KLHL29: variants seen among roughly 807,000 people sequenced by gnomAD.
The protein encoded by KLHL29 is kelch-like protein 29.
KLHL29 carries 21 observed loss-of-function variants against 80.4 expected under a neutral mutation model. The ratio of observed to expected loss-of-function variants is 0.26; its 90% CI spans 0.19 to 0.38. The LOEUF (loss-of-function observed/expected upper bound fraction) is 0.38, where lower values mean the gene tolerates loss of function less well. Among genes scored for constraint, KLHL29 ranks in the 10% least tolerant of loss-of-function variants. The pLI, the probability that KLHL29 is intolerant of heterozygous loss-of-function variation, is 1.00. For missense variants in KLHL29, 867 were observed against 1,223.9 expected (o/e 0.71, Z 4.35); for synonymous variants, 511 against 526.8 (o/e 0.97, Z 0.41).
chr2:23,494,412 C>A lies in KLHL29; in HGVS notation c.-46+18745C>A, dbSNP rs72778307. On this transcript the variant is annotated intron_variant, in intron 2 of 13. Transcript: ENST00000486442. ...AACATTTCCACCAGCAGCTCCTCCA[C>A]GGAGATGCTTTCCTGTGACCTTAAG... 8.4e-3 allele frequency among the ~76,000 whole-genome samples: 1,273 copies of A among 152,318 alleles called. 10 individuals are homozygous for A. The highest frequency in any genetic ancestry group is 0.013 in the Non-Finnish European group (902 of 68,010).
chr2:23,512,284 A>G lies in KLHL29; in HGVS notation c.-46+36617A>G, dbSNP rs555482891. Among the ~76,000 whole-genome samples, 56 of 152,232 alleles carry G rather than the reference A, an allele frequency of 3.7e-4. 1 individual carries two copies. In the South Asian group the frequency reaches 0.01, roughly 28 times the overall value. On this transcript the variant is annotated intron_variant, in intron 2 of 13. Coordinates refer to ENST00000486442, the MANE Select transcript of KLHL29 (RefSeq NM_052920.2). Reference sequence around the variant, plus strand: ...CACATGGAGAAACTCTGTCTCTACTAAAAATACAAAATTAGCTGGGCATGG... The same window carrying G: ...CACATGGAGAAACTCTGTCTCTACTGAAAATACAAAATTAGCTGGGCATGG...
chr2:23,703,984 C>A, intron 13 of KLHL29, 121 bp downstream of exon 13: 1 of 1,152,418 alleles, frequency 8.7e-7, no homozygotes, highest in Non-Finnish European at 1.2e-6. Context: ...AGCAGTGGCC[C>A]TCCCCCTCCA....
chr2:23,703,115 G>A (rs1672497473), intron 11 of KLHL29, 71 bp from the exon 12 acceptor site: 3 of 1,168,634 alleles, frequency 2.6e-6, no homozygotes, highest in Non-Finnish European at 3.4e-6. Flanking sequence ...GCAGTTTGCT[G>A]CCCTTGCTTG....
intron 1 of KLHL29, among the ~76,000 whole-genome samples, chr2:23,407,677 C>G (rs764186107): frequency 6.6e-6 from 1 of 151,960 alleles, no homozygotes; most frequent in Non-Finnish European, 1.5e-5. Context: ...AAGCCCTTCC[C>G]CATCCTGGCT....
chr2:23,529,469 A>T (rs1572380975), intron 2 of KLHL29, among the ~76,000 whole-genome samples: 1 of 152,212 alleles, frequency 6.6e-6, no homozygotes, highest in African/African-American at 2.4e-5. Context: ...TGCATGCTGC[A>T]GTATGGGGTT....
At chr2:23,644,418 C>A (rs1669864049) in intron 5 of KLHL29, 2 of 152,374 alleles carry the variant, frequency 1.3e-5, no homozygotes, top group South Asian at 4.1e-4. Flanking sequence ...CACATAGCCC[C>A]TCTGGGCTAA....
chr2:23,691,778 G>A lies in KLHL29; in HGVS notation c.1184G>A (p.Gly395Asp). 1 of 1,551,724 alleles carries A rather than the reference G, an allele frequency of 6.4e-7. No individual in the cohort carries two copies. Among genetic ancestry groups the A allele is most frequent in the Non-Finnish European group, 8.7e-7 (1 of 1,147,008 alleles). Residue 395 changes from glycine to aspartate, a missense_variant, in exon 7 of 14, where the codon GGC becomes GAC. Gly to Asp is a moderately conservative substitution (Grantham distance 94, BLOSUM62 -1). Coordinates refer to ENST00000486442, the MANE Select transcript of KLHL29 (RefSeq NM_052920.2). The part of the protein sequence containing the change: ...LELLLEFVYT[G>D]SLVIDSANAK... ...TTGCTGCTGGAGTTTGTCTACACGGGCTCCCTGGTCATCGACTCGGCCAAC... is the reference window on the plus strand; with the variant it reads ...TTGCTGCTGGAGTTTGTCTACACGGACTCCCTGGTCATCGACTCGGCCAAC...
intron 3 of KLHL29, among the ~76,000 whole-genome samples, chr2:23,564,907 C>T (rs1452007467): frequency 2.0e-5 from 3 of 152,232 alleles, no homozygotes; most frequent in East Asian, 3.8e-4. Flanking sequence ...GCAGTGGCTA[C>T]AGCCAGACTT....
At chr2:23,433,803 G>A (rs1042308549) in intron 1 of KLHL29, among the ~76,000 whole-genome samples, 10 of 152,172 alleles carry the variant, frequency 6.6e-5, no homozygotes, top group African/African-American at 2.2e-4. Context: ...CCTGTAGTCC[G>A]AGCTATTCCG....
chr2:23,422,071 G>A (rs1007295832), intron 1 of KLHL29, among the ~76,000 whole-genome samples: 6 of 151,362 alleles, frequency 4.0e-5, no homozygotes, highest in Non-Finnish European at 7.4e-5. Context: ...GTGTGTGTCA[G>A]TGTGTCTCCC....
At chr2:23,520,123 G>A (rs754153538) in intron 2 of KLHL29, among the ~76,000 whole-genome samples, 3 of 152,124 alleles carry the variant, frequency 2.0e-5, no homozygotes, top group Admixed American at 6.5e-5. Flanking sequence ...AGAGGAGGAC[G>A]GGTCTGAAGA....
intron 2 of KLHL29, among the ~76,000 whole-genome samples, chr2:23,555,986 G>T (rs1046993049): frequency 5.3e-5 from 8 of 152,224 alleles, no homozygotes. Context: ...GGCTCTGAAG[G>T]GGGGACTGGA....
intron 2 of KLHL29, among the ~76,000 whole-genome samples, chr2:23,515,354 G>A (rs1191629275): frequency 6.6e-6 from 1 of 152,170 alleles, no homozygotes; most frequent in Non-Finnish European, 1.5e-5. Context: ...CGGTTCCTGA[G>A]CACAACATAC....
At chr2:23,542,722 CAG>C (rs1373043716) in intron 2 of KLHL29, among the ~76,000 whole-genome samples, 3 of 152,100 alleles carry the variant, frequency 2.0e-5, no homozygotes, top group Non-Finnish European at 4.4e-5. Context: ...CCTGAACCCT[CAG>C]AGAGCCTCAC....
At chr2:23,396,199 G>A (rs1435210671) in intron 1 of KLHL29, among the ~76,000 whole-genome samples, 3 of 152,192 alleles carry the variant, frequency 2.0e-5, no homozygotes, top group Non-Finnish European at 2.9e-5. Flanking sequence ...TGTCCTGCCT[G>A]GAACTCAACT....
At chr2:23,564,842 C>G (rs1312353598) in intron 3 of KLHL29, among the ~76,000 whole-genome samples, 2 of 152,230 alleles carry the variant, frequency 1.3e-5, no homozygotes, top group African/African-American at 4.8e-5. Flanking sequence ...GACAGTGTGA[C>G]CAGATGACCC....
intron 3 of KLHL29, among the ~76,000 whole-genome samples, chr2:23,629,045 A>G (rs1669400866): frequency 1.3e-5 from 2 of 152,200 alleles, no homozygotes; most frequent in Admixed American, 1.3e-4. Context: ...CTGCCTTGTC[A>G]CCAATGCCGC....
chr2:23,561,958 G>T (rs907025889), intron 2 of KLHL29, among the ~76,000 whole-genome samples, 194 bp from the exon 3 acceptor site: 8 of 152,136 alleles, frequency 5.3e-5, no homozygotes, highest in Non-Finnish European at 1.2e-4. Context: ...ACGTGATCCT[G>T]GGCAAATTGT....
intron 2 of KLHL29, among the ~76,000 whole-genome samples, chr2:23,480,358 A>G (rs1298109494): frequency 2.0e-5 from 3 of 152,138 alleles, no homozygotes; most frequent in Non-Finnish European, 4.4e-5. Context: ...ATGGTGACAC[A>G]CGCCTATAGT....
Sources: gnomAD v4.1 joint callset for allele counts (sites outside exome capture counted in the v4.1 genomes callset) on GRCh38, gnomAD v4.1.1 for gene constraint, MANE v1.5 for transcripts, NCBI Gene and HGNC (gene_info 2026-07-23, HGNC 2026-07-21) for gene names.